SLIT3: variants seen among roughly 807,000 people sequenced by gnomAD.
SLIT3 encodes the protein slit guidance ligand 3.
A neutral mutation model predicts 184.0 loss-of-function variants in SLIT3; 68 were observed. The observed-to-expected ratio is 0.37, with a 90% CI of 0.30 to 0.45. The LOEUF (loss-of-function observed/expected upper bound fraction) is 0.45. Ranked by LOEUF, SLIT3 falls within the 20% of genes least tolerant of loss-of-function variation. SLIT3 has a pLI of 1.00. For missense variants in SLIT3, 1,707 were observed against 2,026.0 expected, an observed-to-expected ratio of 0.84 and a Z score of 3.02; for synonymous variants, 831 against 828.6, an observed-to-expected ratio of 1.00 and a Z score of -0.05.
At chr5:168,745,362 T>C (rs896409468) in intron 20 of SLIT3, among the ~76,000 whole-genome samples, 1 of 152,184 alleles carries the variant, frequency 6.6e-6, no homozygotes, top group Non-Finnish European at 1.5e-5. Context: ...ATTTAGAATA[T>C]TATATAACCT....
chr5:168,749,774 T>C, intron 18 of SLIT3, 139 bp from the exon 19 acceptor site: 2 of 828,028 alleles, frequency 2.4e-6, no homozygotes, highest in Non-Finnish European at 3.8e-6. Context: ...CCAGATGCAG[T>C]CTCTGTGAGG....
chr5:168,847,515 T>C (rs1484342325), intron 5 of SLIT3, among the ~76,000 whole-genome samples: 1 of 152,226 alleles, frequency 6.6e-6, no homozygotes, highest in African/African-American at 2.4e-5. Flanking sequence ...GCACCGAGCA[T>C]CAGCGTATTC....
At chr5:168,916,822 T>C (rs1295316822) in intron 4 of SLIT3, among the ~76,000 whole-genome samples, 5 of 152,238 alleles carry the variant, frequency 3.3e-5, no homozygotes, top group Admixed American at 3.3e-4. Context: ...TTCTCCTTCT[T>C]TCTCCAGGCA....
intron 3 of SLIT3, among the ~76,000 whole-genome samples, chr5:169,226,976 C>A (rs953312304): frequency 2.0e-5 from 3 of 152,210 alleles, no homozygotes; most frequent in Non-Finnish European, 2.9e-5. Context: ...CACCCCTCGG[C>A]CCTGCCTCCC....
At chr5:169,273,643 T>C (rs986923239) in intron 1 of SLIT3, among the ~76,000 whole-genome samples, 1 of 152,152 alleles carries the variant, frequency 6.6e-6, no homozygotes, top group Non-Finnish European at 1.5e-5. Context: ...TTGAGAATCA[T>C]TGTTGGAGGT....
At chr5:168,772,738 A>T in intron 14 of SLIT3, 43 bp downstream of exon 14, 1 of 1,609,396 alleles carries the variant, frequency 6.2e-7, no homozygotes. Context: ...GGGCTGCTGC[A>T]TTCTGAGTCA....
chr5:169,163,589 T>C (rs1762544580), intron 4 of SLIT3, among the ~76,000 whole-genome samples: 1 of 152,160 alleles, frequency 6.6e-6, no homozygotes, highest in African/African-American at 2.4e-5. Context: ...GCAACTTATA[T>C]GTGTGAAAAA....
chr5:169,072,447 A>C (rs1169509804), intron 4 of SLIT3, among the ~76,000 whole-genome samples: 1 of 152,208 alleles, frequency 6.6e-6, no homozygotes, highest in Non-Finnish European at 1.5e-5. Context: ...GACTCTGCAC[A>C]AAGGCAACTC....
At position 168,685,940 on chromosome 5, in the gene SLIT3, A is replaced by G. The variant is rs142846579; in HGVS notation, c.3315-13T>C. 8.7e-4 allele frequency: 1,392 copies of G among 1,599,922 alleles called. 10 individuals carry two copies. The African/African-American group carries it at 0.016, about 18-fold the overall frequency. On this transcript the variant is annotated splice_polypyrimidine_tract_variant and intron_variant, in intron 30 of 35. Transcript: ENST00000519560. ...ACAGAAGGGTCCACTGGAAGGCAGG[A>G]GAGAATGGGGAGGGAGATAGGAGAA...
chr5:168,859,793 T>C (rs567679968), intron 5 of SLIT3, among the ~76,000 whole-genome samples: 1 of 152,326 alleles, frequency 6.6e-6, no homozygotes, highest in Admixed American at 6.5e-5. Flanking sequence ...GATGACCTTT[T>C]TGTTTTATTT....
intron 4 of SLIT3, among the ~76,000 whole-genome samples, chr5:169,036,945 G>A (rs765439822): frequency 6.6e-6 from 1 of 152,152 alleles, no homozygotes; most frequent in Non-Finnish European, 1.5e-5. Context: ...TTTTCTAGGT[G>A]GAATATATCC....
intron 8 of SLIT3, 57 bp downstream of exon 8, chr5:168,817,243 A>T: frequency 6.6e-7 from 1 of 1,512,608 alleles, no homozygotes; most frequent in Non-Finnish European, 9.2e-7. Flanking sequence ...ATGTTGTGGG[A>T]GCTCATGGGT....
At chr5:169,219,368 G>A (rs1423999567) in intron 3 of SLIT3, among the ~76,000 whole-genome samples, 1 of 152,220 alleles carries the variant, frequency 6.6e-6, no homozygotes, top group Non-Finnish European at 1.5e-5. Flanking sequence ...CCTAGAAGGT[G>A]CAGACCATTA....
chr5:169,055,416 G>A (rs987203968), intron 4 of SLIT3, among the ~76,000 whole-genome samples: 13 of 152,204 alleles, frequency 8.5e-5, no homozygotes, highest in Non-Finnish European at 1.9e-4. Flanking sequence ...GATGTGCAAA[G>A]TTGAAAGCGG....
chr5:168,677,854 G>A (rs1220515013), intron 32 of SLIT3, among the ~76,000 whole-genome samples: 1 of 152,216 alleles, frequency 6.6e-6, no homozygotes, highest in African/African-American at 2.4e-5. Flanking sequence ...TGCTGGAGCT[G>A]GGTGTGGCAG....
At chr5:169,173,120 G>A (rs1762866902) in intron 4 of SLIT3, among the ~76,000 whole-genome samples, 1 of 152,166 alleles carries the variant, frequency 6.6e-6, no homozygotes, top group Admixed American at 6.5e-5. Context: ...AATTAGCTGG[G>A]TGTGGTGGCA....
intron 4 of SLIT3, among the ~76,000 whole-genome samples, chr5:169,060,553 T>C (rs188247441): frequency 6.6e-6 from 1 of 152,324 alleles, no homozygotes; most frequent in African/African-American, 2.4e-5. Flanking sequence ...ATCTTGTGTA[T>C]TGCTTTATGT....
chr5:168,947,971 A>G (rs1762537483), intron 4 of SLIT3, among the ~76,000 whole-genome samples: 1 of 132,748 alleles, frequency 7.5e-6, no homozygotes, highest in Non-Finnish European at 1.7e-5. Flanking sequence ...TTGTATTTTT[A>G]GTAGAGATGG....
At chr5:169,004,707 C>A (rs1755849095) in intron 4 of SLIT3, among the ~76,000 whole-genome samples, 1 of 151,876 alleles carries the variant, frequency 6.6e-6, no homozygotes, top group Admixed American at 6.6e-5. Flanking sequence ...GGAGGTGGAG[C>A]CTTTGGGAAG....
Sources: gnomAD v4.1 joint callset for allele counts (sites outside exome capture counted in the v4.1 genomes callset) on GRCh38, gnomAD v4.1.1 for gene constraint, MANE v1.5 for transcripts, NCBI Gene and HGNC (gene_info 2026-07-23, HGNC 2026-07-21) for gene names.